POM121: variants seen among roughly 807,000 people sequenced by gnomAD.
The protein encoded by POM121 is POM121 transmembrane nucleoporin.
Under a neutral mutation model 81.3 loss-of-function variants are expected in POM121, and 32 were observed. The observed-to-expected ratio is 0.39, with a 90% CI of 0.30 to 0.53. The LOEUF is 0.53. POM121 is among the 20% of genes least tolerant of loss of function. The pLI is 0.66. For missense variants in POM121, 1,138 were observed against 1,614.6 expected (o/e 0.70, Z 5.06); for synonymous variants, 514 against 694.2 (o/e 0.74, Z 4.08).
At chr7:72,920,367 T>TTG (rs1432812750), upstream of POM121, among the ~76,000 whole-genome samples, 1 of 147,640 alleles carries the variant, frequency 6.8e-6, no homozygotes, top group African/African-American at 2.5e-5. Context: ...TTTTTTTTTT[T>TTG]AGTTGGAGTC....
At chr7:72,917,527 A>G (rs1554495284) in intron 4 of POM121, among the ~76,000 whole-genome samples, 1 of 152,154 alleles carries the variant, frequency 6.6e-6, no homozygotes, top group Non-Finnish European at 1.5e-5. Context: ...TCCCAGAGGA[A>G]TTCTCCCCAG....
At chr7:72,939,289 C>T (rs376808523) in intron 6 of POM121, 47 bp from the exon 7 acceptor site, 4 of 1,602,576 alleles carry the variant, frequency 2.5e-6, no homozygotes, top group Middle Eastern at 1.7e-4. Context: ...TTTAATACTT[C>T]AGCCAAGAAG....
chr7:72,918,625 T>C (rs1370669003), intron 4 of POM121, among the ~76,000 whole-genome samples: 1 of 152,192 alleles, frequency 6.6e-6, no homozygotes, highest in Admixed American at 6.5e-5. Flanking sequence ...TATATTTTAT[T>C]ATACTGGAAC....
chr7:72,928,512 G>A (rs781985084), intron 4 of POM121, 47 bp downstream of exon 4: 35 of 1,589,084 alleles, frequency 2.2e-5, no homozygotes, highest in Non-Finnish European at 2.9e-5. Flanking sequence ...TTGGAAAAAG[G>A]CCTGATCAGA....
At chr7:72,931,829 C>A (rs1373030429) in intron 5 of POM121, among the ~76,000 whole-genome samples, 1 of 152,152 alleles carries the variant, frequency 6.6e-6, no homozygotes, top group African/African-American at 2.4e-5. Flanking sequence ...CCTTGGCCTC[C>A]CAAAGTGCTG....
intron 3 of POM121, among the ~76,000 whole-genome samples, chr7:72,927,516 C>T (rs1407525529): frequency 7.2e-5 from 11 of 152,094 alleles, no homozygotes; most frequent in Non-Finnish European, 1.6e-4. Flanking sequence ...TCGAGACCAG[C>T]CTGGCCAACA....
chr7:72,894,772 C>T (rs1214713574), intron 3 of POM121, among the ~76,000 whole-genome samples: 2 of 151,926 alleles, frequency 1.3e-5, no homozygotes, highest in African/African-American at 4.8e-5. Flanking sequence ...GATCCTCCAC[C>T]CCACCTTCCA....
chr7:72,925,675 C>G lies in POM121; in HGVS notation c.554C>G (p.Pro185Arg), dbSNP rs1156417709. The change falls in exon 1 of 13, where the codon CCC becomes CGC. Residue 185 changes from proline (P) to arginine (R), a missense_variant. Physicochemically the swap from Pro to Arg is moderately radical, Grantham distance 103. This residue lies in a region of POM121 where 646 missense variants were observed against 633.5 expected (regional missense o/e 1.02). Transcript: ENST00000434423. ...PPPRSPPPRS[P>R]PPSPPTHRAH... ...CCGCGCTCCCCACCGCCGCGCTCCC[C>G]CCCGCCCTCCCCGCCGACCCATCGC... 5.8e-6 allele frequency: 7 copies of G among 1,212,540 alleles called. No homozygotes were observed. In the South Asian group the frequency reaches 1.8e-4, roughly 32 times the overall value. The allele number at this position is 1,212,540 out of a possible 1,614,324, so 75.1% of individuals were successfully genotyped here.
chr7:72,928,360 T>C (rs1795678082), intron 3 of POM121, 25 bp from the exon 4 acceptor site: 2 of 1,614,026 alleles, frequency 1.2e-6, no homozygotes, highest in South Asian at 1.1e-5. Flanking sequence ...TGTCATTTCA[T>C]TGAGACTTTT....
intron 5 of POM121, among the ~76,000 whole-genome samples, chr7:72,937,253 CA>C (rs1378659581): frequency 1.3e-3 from 163 of 130,122 alleles, no homozygotes; most frequent in Non-Finnish European, 1.3e-3. Flanking sequence ...GGCTCCGTCT[CA>C]AAAAAAAAAA....
At chr7:72,895,330 C>T (rs1791834506) in intron 3 of POM121, among the ~76,000 whole-genome samples, 1 of 152,312 alleles carries the variant, frequency 6.6e-6, no homozygotes, top group South Asian at 2.1e-4. Flanking sequence ...GCTTCCTCTC[C>T]CAGCCTTTCA....
At chr7:72,908,682 T>A (rs1486445188) in intron 3 of POM121, among the ~76,000 whole-genome samples, 1 of 152,094 alleles carries the variant, frequency 6.6e-6, no homozygotes, top group Non-Finnish European at 1.5e-5. Context: ...TTTAGAGCCC[T>A]CCCCCTAGGA....
intron 3 of POM121, among the ~76,000 whole-genome samples, chr7:72,894,626 G>GAGAGAGAGAGAGAGAGAAAGAGAGAGA (rs1365638069): frequency 8.6e-5 from 2 of 23,344 alleles, no homozygotes; most frequent in African/African-American, 1.1e-4. Flanking sequence ...GAGAGAGAGA[G>GAGAGAGAGAGAGAGAGAAAGAGAGAGA]GAGAGAGAGA....
rs1797823204 is a variant in POM121 at position 72,948,163 on chromosome 7, G to T, written c.*1929G>T. The T allele has an allele frequency of 7.0e-7, 1 of 1,433,468 alleles. No individual in the cohort carries two copies. The allele number at this position is 1,433,468 out of a possible 1,614,324, so 88.8% of individuals were successfully genotyped here. On this transcript the variant is annotated 3_prime_UTR_variant, in exon 13 of 13. Transcript: ENST00000434423. ...GTGGATGTGTACAGTACACGCACTG[G>T]ACGGCAGCGGGAGGCTGGGACTTTC...
downstream of POM121, chr7:72,949,487 T>A (rs1554504315): frequency 6.4e-7 from 1 of 1,553,410 alleles, no homozygotes; most frequent in Admixed American, 1.7e-5. Context: ...AAGGCAAAGA[T>A]CTTCCTAGGG....
chr7:72,943,415 C>G lies in POM121; in HGVS notation c.3422C>G (p.Thr1141Ser), dbSNP rs1554502420. The G allele has an allele frequency of 6.2e-6, 10 of 1,612,936 alleles. No homozygotes were observed. The highest frequency in any genetic ancestry group is 7.6e-6 in the Non-Finnish European group (9 of 1,179,630). The change falls in exon 11 of 13, where the codon ACC (threonine) becomes AGC (serine). Residue 1141 changes from threonine (T) to serine (S), a missense_variant. Coordinates refer to ENST00000434423, the MANE Select transcript of POM121 (RefSeq NM_001387691.1). ...AGQSGSTATS[T>S]PFAGGLGQNA... ...CAGAGTGGGAGCACAGCCACCTCCA[C>G]CCCCTTCGCAGGGGGCTTAGGTCAG...
chr7:72,899,315 A>T (rs1239366274), intron 3 of POM121, among the ~76,000 whole-genome samples: 1 of 151,954 alleles, frequency 6.6e-6, no homozygotes, highest in Non-Finnish European at 1.5e-5. Context: ...CCCGCAGCAC[A>T]TTTCCTCACA....
At chr7:72,899,442 G>A (rs543283003) in intron 3 of POM121, among the ~76,000 whole-genome samples, 4 of 152,236 alleles carry the variant, frequency 2.6e-5, no homozygotes, top group Non-Finnish European at 4.4e-5. Flanking sequence ...ACAAATAAAT[G>A]TGTATTTGAA....
At chr7:72,917,456 C>A (rs2129576821) in intron 4 of POM121, among the ~76,000 whole-genome samples, 2 of 149,444 alleles carry the variant, frequency 1.3e-5, no homozygotes, top group East Asian at 3.9e-4. Flanking sequence ...CCTGCTTTCC[C>A]AGAGGAATTC....
Sources: gnomAD v4.1 joint callset for allele counts (sites outside exome capture counted in the v4.1 genomes callset) on GRCh38, gnomAD v4.1.1 for gene constraint, gnomAD v4.1.1 regional missense constraint, MANE v1.5 for transcripts, NCBI Gene and HGNC (gene_info 2026-07-23, HGNC 2026-07-21) for gene names.